TNS1: variants seen among roughly 807,000 people sequenced by gnomAD.
TNS1 encodes tensin 1, also known as tensin-1.
Under a neutral mutation model 168.6 loss-of-function variants are expected in TNS1, and 62 were observed. The observed-to-expected ratio is 0.37, with a 90% CI of 0.30 to 0.45. The LOEUF (loss-of-function observed/expected upper bound fraction) is 0.45. Ranked by LOEUF, TNS1 falls within the 20% of genes least tolerant of loss-of-function variation. The pLI is 1.00. For missense variants in TNS1, 2,240 were observed against 2,339.4 expected, an observed-to-expected ratio of 0.96 and a Z score of 0.88; for synonymous variants, 934 against 933.2, an observed-to-expected ratio of 1.00 and a Z score of -0.02.
At chr2:217,861,800 A>C (rs77569981) in intron 18 of TNS1, among the ~76,000 whole-genome samples, 3,684 of 152,358 alleles carry the variant, frequency 0.024, 159 homozygotes, top group African/African-American at 0.084. Context: ...AAAGGACAGA[A>C]CACGAGTAGT....
intron 18 of TNS1, among the ~76,000 whole-genome samples, chr2:217,855,716 T>A (rs923055435): frequency 6.6e-6 from 1 of 152,232 alleles, no homozygotes; most frequent in Non-Finnish European, 1.5e-5. Flanking sequence ...CCATAAATGC[T>A]TCTTGCCTTA....
intron 19 of TNS1, among the ~76,000 whole-genome samples, chr2:217,836,904 T>C (rs571938256): frequency 1.2e-4 from 18 of 152,128 alleles, no homozygotes; most frequent in African/African-American, 4.3e-4. Flanking sequence ...CAGAGAGAAG[T>C]CGTGTGCTCC....
intron 6 of TNS1, among the ~76,000 whole-genome samples, chr2:217,905,970 C>A (rs931340450): frequency 1.3e-5 from 2 of 152,200 alleles, no homozygotes; most frequent in Non-Finnish European, 2.9e-5. Context: ...AGGACTAAGA[C>A]CCCCCGCCAA....
chr2:217,879,411 G>A, intron 18 of TNS1: 1 of 453,954 alleles, frequency 2.2e-6, no homozygotes. Flanking sequence ...CTTTCTGCTT[G>A]GCCGCTCAGC....
chr2:217,885,112 C>A lies in TNS1; in HGVS notation c.1169G>T (p.Arg390Leu). The A allele has an allele frequency of 6.2e-7, 1 of 1,614,244 alleles. No homozygotes were observed. The highest frequency in any genetic ancestry group is 8.5e-7 in the Non-Finnish European group (1 of 1,180,038). ...GATGGCACAGGTGTGGAACTGCACACGGAAGATGACGTCTCGGGCTGGGCT... is the reference window on the plus strand; with the variant it reads ...GATGGCACAGGTGTGGAACTGCACAAGGAAGATGACGTCTCGGGCTGGGCT... Reference protein sequence around the residue: ...FRSPARDVIFRVQFHTCAIHD... With the variant: ...FRSPARDVIFLVQFHTCAIHD... The change falls in exon 16 of 33, where the codon CGT (arginine) becomes CTT (leucine). Residue 390 changes from arginine (R) to leucine (L), a missense_variant. By Grantham distance (102) the Arg-to-Leu change is moderately radical. This residue lies in a region of TNS1 where 2,131 missense variants were observed against 2,171.2 expected (regional missense o/e 0.98). Coordinates refer to ENST00000682258, the MANE Select transcript of TNS1 (RefSeq NM_001387777.1).
rs375507307 is a variant in TNS1 at position 217,986,983 on chromosome 2, A to T, written c.148+3959T>A. On this transcript the variant is annotated intron_variant, in intron 2 of 32. Transcript: ENST00000682258. This position sits in a 1 kb window ranked among gnomAD's most constrained non-coding sequence, Gnocchi z 4.7. Reference sequence around the variant, plus strand: ...AGCTATCCTACCTCTGCAGACTCCAACCAGGGAGTTTTCCAGGCCCTCCCC... The same window carrying T: ...AGCTATCCTACCTCTGCAGACTCCATCCAGGGAGTTTTCCAGGCCCTCCCC... The T allele has an allele frequency of 3.3e-4, 51 of 152,280 alleles. No individual in the cohort carries two copies. The highest frequency in any genetic ancestry group is 1.2e-3 in the African/African-American group (51 of 41,546). The allele number at this position is 152,280 out of a possible 1,614,324, so 9.4% of individuals were successfully genotyped here. A position where few individuals can be genotyped will look rare whatever the true frequency, so the allele number is the denominator to read the frequency against.
chr2:217,877,327 G>C (rs111631477), intron 18 of TNS1, among the ~76,000 whole-genome samples: 53 of 152,206 alleles, frequency 3.5e-4, no homozygotes, highest in Non-Finnish European at 7.2e-4. Context: ...GGGTTCCGGG[G>C]TGCTGTTAAG....
intron 2 of TNS1, among the ~76,000 whole-genome samples, chr2:217,984,943 G>A (rs1157944277): frequency 6.6e-6 from 1 of 151,838 alleles, no homozygotes; most frequent in African/African-American, 2.4e-5. Flanking sequence ...TCTCTAAGTA[G>A]AGAACGGGTT....
At chr2:217,874,401 C>T (rs1228819040) in intron 18 of TNS1, among the ~76,000 whole-genome samples, 3 of 152,226 alleles carry the variant, frequency 2.0e-5, no homozygotes, top group African/African-American at 7.2e-5. Context: ...TCAAGGTCAT[C>T]ATCAGCATCA....
intron 2 of TNS1, among the ~76,000 whole-genome samples, chr2:217,982,154 A>G (rs1378996822): frequency 6.6e-6 from 1 of 152,182 alleles, no homozygotes. Flanking sequence ...GGAGAGGGCC[A>G]TGTGGTGAGG....
intron 8 of TNS1, among the ~76,000 whole-genome samples, chr2:217,897,515 C>T (rs963015168): frequency 2.6e-5 from 4 of 152,212 alleles, no homozygotes; most frequent in African/African-American, 9.7e-5. Flanking sequence ...CGCTCAATAA[C>T]CTGAACTCTT....
At chr2:217,852,781 C>A (rs1421645022) in intron 18 of TNS1, among the ~76,000 whole-genome samples, 1 of 152,226 alleles carries the variant, frequency 6.6e-6, no homozygotes, top group African/African-American at 2.4e-5. Context: ...CATAGCCAAG[C>A]CACTAAGGCA....
rs1196254042 is a variant in TNS1 at position 217,880,516 on chromosome 2, T to TG, written c.1429+381dup. Among the ~76,000 whole-genome samples, 2 of 151,994 alleles carry TG rather than the reference T, an allele frequency of 1.3e-5. No homozygotes were observed. Among genetic ancestry groups the TG allele is most frequent in the Non-Finnish European group, 1.5e-5 (1 of 67,998 alleles). ...GACAAATGCTGTTTTTGCAGCACAGTGGGGGGTATCTCAAGCTCCACTCAA... is the reference window on the plus strand; with the variant it reads ...GACAAATGCTGTTTTTGCAGCACAGTGGGGGGGTATCTCAAGCTCCACTCAA... On this transcript the variant is annotated intron_variant, in intron 18 of 32. Coordinates refer to ENST00000682258, the MANE Select transcript of TNS1 (RefSeq NM_001387777.1). This position sits in a 1 kb window ranked among gnomAD's most constrained non-coding sequence, Gnocchi z 4.2.
intron 25 of TNS1, 86 bp downstream of exon 25, chr2:217,814,826 A>T: frequency 1.8e-6 from 2 of 1,127,358 alleles, no homozygotes; most frequent in Non-Finnish European, 2.6e-6. Flanking sequence ...AAGAGGACTG[A>T]ATTTGCCTCT....
At position 218,033,909 on chromosome 2, in the gene TNS1, G is replaced by T. The variant is rs1005987537; in HGVS notation, c.67C>A (p.Pro23Thr). 1.1e-4 allele frequency among the ~76,000 whole-genome samples: 17 copies of T among 152,302 alleles called. 1 individual carries two copies. The highest frequency in any genetic ancestry group is 3.4e-4 in the African/African-American group (14 of 41,574). The change falls in exon 1 of 2, where the codon CCC becomes ACC. Residue 23 changes from proline to threonine, a missense_variant. Pro to Thr is a conservative substitution (Grantham distance 38, BLOSUM62 -1). Transcript: ENST00000649572. This position sits in a 1 kb window ranked among gnomAD's most constrained non-coding sequence, Gnocchi z 4.3. ...GCCGAGACCCAGGGACTCCCCGGGG[G>T]CTGGGGACCGCAGAGTGGTCCGGGC...
intron 1 of TNS1, among the ~76,000 whole-genome samples, chr2:217,997,568 C>T (rs1411969671): frequency 5.3e-5 from 8 of 152,158 alleles, no homozygotes; most frequent in African/African-American, 1.4e-4. Flanking sequence ...ATATGATTAC[C>T]TTAGTGTCCC....
At chr2:217,929,968 TG>T (rs1956235908) in intron 3 of TNS1, among the ~76,000 whole-genome samples, 1 of 152,218 alleles carries the variant, frequency 6.6e-6, no homozygotes, top group Non-Finnish European at 1.5e-5. Flanking sequence ...CATCCAGCAG[TG>T]TCACTTCTCT....
intron 3 of TNS1, among the ~76,000 whole-genome samples, chr2:217,958,425 C>T (rs1284444512): frequency 1.3e-5 from 2 of 152,312 alleles, no homozygotes; most frequent in South Asian, 2.1e-4. Context: ...CATGGCTACA[C>T]GGGAGACATC....
At chr2:217,879,327 C>G in intron 18 of TNS1, 2 of 372,114 alleles carry the variant, frequency 5.4e-6, no homozygotes, top group Non-Finnish European at 1.1e-5. Context: ...GTTAAAAATG[C>G]AAACATCCCC....
Sources: gnomAD v4.1 joint callset for allele counts (sites outside exome capture counted in the v4.1 genomes callset) on GRCh38, gnomAD v4.1.1 for gene constraint, gnomAD v4.1.1 regional missense constraint, Gnocchi (gnomAD v3.1) non-coding constraint, MANE v1.5 for transcripts, NCBI Gene and HGNC (gene_info 2026-07-23, HGNC 2026-07-21) for gene names.